The following EXOSC4 variants were observed in gnomAD, a reference collection of about 807,000 sequenced individuals.
The protein encoded by EXOSC4 is exosome complex component RRP41.
Under a neutral mutation model 20.0 loss-of-function variants are expected in EXOSC4, and 14 were observed. The observed-to-expected ratio is 0.70, with a 90% CI of 0.46 to 1.09. EXOSC4 has a LOEUF of 1.09. Among genes scored for constraint, EXOSC4 ranks in the 50% least tolerant of loss-of-function variants. EXOSC4 has a pLI of 0.00. For synonymous variants in EXOSC4, 148 were observed against 146.4 expected, an observed-to-expected ratio of 1.01 and a Z score of -0.08; for missense variants, 337 against 334.0, an observed-to-expected ratio of 1.01 and a Z score of -0.07.
chr8:144,079,415 A>G, intron 1 of EXOSC4: 1 of 258,808 alleles, frequency 3.9e-6, no homozygotes, highest in Non-Finnish European at 7.7e-6. Flanking sequence ...AGGTATTGAA[A>G]GAGTGTTTGC....
chr8:144,078,962 G>T lies in EXOSC4; in HGVS notation c.171+63G>T. On this transcript the variant is annotated intron_variant, in intron 1 of 2. Transcript: ENST00000316052. The surrounding 1 kb of genome is among the most constrained non-coding windows in gnomAD (Gnocchi z 4.7). Reference sequence around the variant, plus strand: ...GGGAGCTGCGGGGCAGCCGGGCTGAGCGCTGGCTCGGGGACTTGAGGGGCA... The same window carrying T: ...GGGAGCTGCGGGGCAGCCGGGCTGATCGCTGGCTCGGGGACTTGAGGGGCA... The T allele has an allele frequency of 7.2e-7, 1 of 1,382,088 alleles. No homozygotes were observed. The highest frequency in any genetic ancestry group is 9.4e-7 in the Non-Finnish European group (1 of 1,067,328). The allele number at this position is 1,382,088 out of a possible 1,614,324, so 85.6% of individuals were successfully genotyped here. A position where few individuals can be genotyped will look rare whatever the true frequency, so the allele number is the denominator to read the frequency against.
the EXOSC4 span, among the ~76,000 whole-genome samples, chr8:144,068,707 C>A: frequency 6.6e-6 from 1 of 152,240 alleles, no homozygotes; most frequent in Non-Finnish European, 1.5e-5. Flanking sequence ...TTGAGCTCAG[C>A]CTGCTTCCCC....
chr8:144,078,626 A>G (rs1554762998), upstream of EXOSC4: 1 of 1,250,364 alleles, frequency 8.0e-7, no homozygotes, highest in African/African-American at 1.6e-5. The surrounding 1 kb of genome is among the most constrained non-coding windows in gnomAD (Gnocchi z 4.7). Context: ...GTGATGGCGG[A>G]CCTCCGGAAA....
chr8:144,064,265 T>G, the EXOSC4 span, among the ~76,000 whole-genome samples: 19 of 152,262 alleles, frequency 1.2e-4, no homozygotes, highest in African/African-American at 3.9e-4. Context: ...GGATGCAGGC[T>G]TCCGCACCCA....
At chr8:144,064,469 G>A in the EXOSC4 span, among the ~76,000 whole-genome samples, 1 of 152,278 alleles carries the variant, frequency 6.6e-6, no homozygotes, top group African/African-American at 2.4e-5. Context: ...GCAGCAACCA[G>A]GGCAGGCCAG....
chr8:144,072,550 C>T, the EXOSC4 span, among the ~76,000 whole-genome samples: 160 of 152,248 alleles, frequency 1.1e-3, 5 homozygotes, highest in South Asian at 0.03. Flanking sequence ...ACCACCACCC[C>T]GCAACATACA....
the EXOSC4 span, among the ~76,000 whole-genome samples, chr8:144,070,769 A>C: frequency 6.6e-6 from 1 of 152,032 alleles, no homozygotes; most frequent in Non-Finnish European, 1.5e-5. Flanking sequence ...CAGAAGTTGC[A>C]GTGAGCCGAG....
chr8:144,074,093 T>G (rs368854022), upstream of EXOSC4, among the ~76,000 whole-genome samples: 36 of 152,330 alleles, frequency 2.4e-4, no homozygotes, highest in African/African-American at 7.9e-4. Flanking sequence ...ACCAGGAATC[T>G]CGGGGATCAG....
the EXOSC4 span, among the ~76,000 whole-genome samples, chr8:144,064,514 G>A: frequency 5.9e-5 from 9 of 152,270 alleles, no homozygotes; most frequent in East Asian, 1.5e-3. Flanking sequence ...GAGCACGCTA[G>A]GACAGCATGG....
upstream of EXOSC4, among the ~76,000 whole-genome samples, chr8:144,073,993 T>A (rs11986602): frequency 0.22 from 32,686 of 151,898 alleles, 6,732 homozygotes; most frequent in African/African-American, 0.54. Context: ...CCCCACTGCC[T>A]GCTGGATGTC....
the EXOSC4 span, among the ~76,000 whole-genome samples, chr8:144,069,839 G>A: frequency 6.6e-6 from 1 of 152,198 alleles, no homozygotes; most frequent in African/African-American, 2.4e-5. Flanking sequence ...AGCAGCATGG[G>A]GGTTCCCCCA....
chr8:144,066,895 C>G, the EXOSC4 span, among the ~76,000 whole-genome samples: 1 of 151,924 alleles, frequency 6.6e-6, no homozygotes. Flanking sequence ...TGAGGCCAGC[C>G]GGACCAACGT....
In EXOSC4 at chr8:144,080,258, G is replaced by T; in HGVS notation, c.395G>T (p.Gly132Val). The part of the protein sequence containing the change: ...DIYVQVLQAD[G>V]GTYAACVNAA... ...TCCCTGCAGGTGCTACAGGCAGATGGTGGGACCTATGCAGCTTGTGTGAAT... is the reference window on the plus strand; with the variant it reads ...TCCCTGCAGGTGCTACAGGCAGATGTTGGGACCTATGCAGCTTGTGTGAAT... The change falls in exon 3 of 3, where the codon GGT (glycine) becomes GTT (valine). Residue 132 changes from glycine to valine, a missense_variant. By Grantham distance (109) the Gly-to-Val change is moderately radical. Coordinates refer to ENST00000316052, the MANE Select transcript of EXOSC4 (RefSeq NM_019037.3). The surrounding 1 kb of genome is among the most constrained non-coding windows in gnomAD (Gnocchi z 4.9). 3 of 1,613,728 alleles carry T rather than the reference G, an allele frequency of 1.9e-6. No individual in the cohort carries two copies. The highest frequency in any genetic ancestry group is 2.5e-6 in the Non-Finnish European group (3 of 1,179,918).
the EXOSC4 span, among the ~76,000 whole-genome samples, chr8:144,066,298 C>T: frequency 1.3e-5 from 2 of 151,284 alleles, no homozygotes; most frequent in South Asian, 2.1e-4. Context: ...GGATTACAGG[C>T]GTGAGCCACT....
the EXOSC4 span, among the ~76,000 whole-genome samples, chr8:144,068,794 G>C: frequency 5.4e-4 from 83 of 152,294 alleles, 1 homozygote; most frequent in African/African-American, 1.7e-3. Flanking sequence ...CCCAGCTCCT[G>C]GCTGCAAGGC....
the EXOSC4 span, among the ~76,000 whole-genome samples, chr8:144,069,206 C>T: frequency 4.6e-5 from 7 of 152,370 alleles, no homozygotes; most frequent in South Asian, 2.1e-4. Flanking sequence ...GCCTCTGCAC[C>T]GGTGCCAGGC....
In EXOSC4 at chr8:144,080,636, C is replaced by T; in HGVS notation, c.*35C>T. 6.3e-7 allele frequency: 1 copy of T among 1,581,220 alleles called. No homozygotes were observed. The highest frequency in any genetic ancestry group is 8.5e-7 in the Non-Finnish European group (1 of 1,170,002). The stretch of plus-strand genomic sequence containing the variant: ...CACCCATGTCCAGAATAAAACCCTC[C>T]TCTGCCCACACACCCCTCACTGTAC... On this transcript the variant is annotated 3_prime_UTR_variant, in exon 3 of 3. Transcript: ENST00000316052. This position sits in a 1 kb window ranked among gnomAD's most constrained non-coding sequence, Gnocchi z 4.9.
chr8:144,069,838 G>C, the EXOSC4 span, among the ~76,000 whole-genome samples: 1 of 152,236 alleles, frequency 6.6e-6, no homozygotes, highest in Non-Finnish European at 1.5e-5. Context: ...CAGCAGCATG[G>C]GGGTTCCCCC....
In EXOSC4 at chr8:144,078,766, G is replaced by T; in HGVS notation, c.38G>T (p.Arg13Leu). 2 of 1,533,298 alleles carry T rather than the reference G, an allele frequency of 1.3e-6. No homozygotes were observed. The highest frequency in any genetic ancestry group is 8.8e-7 in the Non-Finnish European group (1 of 1,142,600). 95.0% of individuals were successfully genotyped at this position (1,533,298 alleles called of 1,614,324 possible). Residue 13 changes from arginine to leucine, a missense_variant, in exon 1 of 3, where the codon CGG becomes CTG. By Grantham distance (102) the Arg-to-Leu change is moderately radical (BLOSUM62 -2). Coordinates refer to ENST00000316052, the MANE Select transcript of EXOSC4 (RefSeq NM_019037.3). This position sits in a 1 kb window ranked among gnomAD's most constrained non-coding sequence, Gnocchi z 4.7. ...GAGCTCTTGTCGGACCAGGGCTACC[G>T]GGTGGACGGGCGGCGCGCCGGGGAG... ...GLELLSDQGY[R>L]VDGRRAGELR...
Sources: gnomAD v4.1 joint callset for allele counts (sites outside exome capture counted in the v4.1 genomes callset) on GRCh38, gnomAD v4.1.1 for gene constraint, Gnocchi (gnomAD v3.1) non-coding constraint, MANE v1.5 for transcripts, NCBI Gene and HGNC (gene_info 2026-07-23, HGNC 2026-07-21) for gene names.